The following TENM3 variants were observed in gnomAD, a reference collection of about 807,000 sequenced individuals.
The protein encoded by TENM3 is teneurin-3.
In TENM3, 63 loss-of-function variants were observed where a neutral mutation model predicts 255.1. That is an observed-to-expected ratio of 0.25 (90% CI 0.20 to 0.30). The LOEUF (loss-of-function observed/expected upper bound fraction) is 0.30. Among genes scored for constraint, TENM3 ranks in the 10% least tolerant of loss-of-function variants. The pLI, the probability that TENM3 is intolerant of heterozygous loss-of-function variation, is 1.00. For missense variants in TENM3, 2,929 were observed against 3,461.1 expected (o/e 0.85, Z 3.86); for synonymous variants, 1,306 against 1,322.3 (o/e 0.99, Z 0.27).
chr4:181,999,615 G>A, the TENM3 span, among the ~76,000 whole-genome samples: 5 of 152,144 alleles, frequency 3.3e-5, no homozygotes, highest in Non-Finnish European at 7.4e-5. Flanking sequence ...AACATGGCAT[G>A]AGCTACCAAA....
intron 1 of TENM3, among the ~76,000 whole-genome samples, chr4:182,171,704 C>A (rs370325476): frequency 8.5e-5 from 13 of 152,280 alleles, no homozygotes; most frequent in African/African-American, 3.1e-4. Flanking sequence ...TGGTTCTCAT[C>A]ATTCGAGTGC....
chr4:182,081,856 T>A, the TENM3 span: 3 of 152,150 alleles, frequency 2.0e-5, no homozygotes, highest in Non-Finnish European at 4.4e-5. Flanking sequence ...TTACTATTCC[T>A]GTGTCTTTTA....
At chr4:181,606,481 T>C in the TENM3 span, among the ~76,000 whole-genome samples, 249 of 152,284 alleles carry the variant, frequency 1.6e-3, 1 homozygote, top group African/African-American at 5.8e-3. Context: ...ACATACTGTG[T>C]GCATGTCTGT....
chr4:181,475,989 G>A, the TENM3 span, among the ~76,000 whole-genome samples: 40 of 152,338 alleles, frequency 2.6e-4, no homozygotes, highest in African/African-American at 4.6e-4. Flanking sequence ...CTCCAGCGGG[G>A]AAGTCAGAAT....
At chr4:182,285,324 A>G (rs987877884) in intron 1 of TENM3, among the ~76,000 whole-genome samples, 1 of 152,072 alleles carries the variant, frequency 6.6e-6, no homozygotes, top group Non-Finnish European at 1.5e-5. Context: ...CAGTCATATC[A>G]ATTTGAACCA....
the TENM3 span, among the ~76,000 whole-genome samples, chr4:181,641,545 G>GGTATGT: frequency 1.8e-3 from 42 of 23,948 alleles, no homozygotes; most frequent in African/African-American, 4.8e-3. Flanking sequence ...AGTATTCCAT[G>GGTATGT]GTGTGTGTGT....
At chr4:181,753,254 G>C in the TENM3 span, among the ~76,000 whole-genome samples, 1 of 152,158 alleles carries the variant, frequency 6.6e-6, no homozygotes, top group African/African-American at 2.4e-5. Context: ...TAAAAGTGAG[G>C]AGGTTGGTTG....
At chr4:182,500,796 A>G in intron 3 of TENM3, among the ~76,000 whole-genome samples, 1 of 152,160 alleles carries the variant, frequency 6.6e-6, no homozygotes, top group South Asian at 2.1e-4. Context: ...TAAATAAAGT[A>G]CACGGTTTCA....
the TENM3 span, among the ~76,000 whole-genome samples, chr4:182,077,912 A>G: frequency 6.6e-6 from 1 of 152,100 alleles, no homozygotes; most frequent in Non-Finnish European, 1.5e-5. Context: ...CCTCATAGGT[A>G]ATGTAACCAT....
chr4:182,418,983 A>T (rs1448051496), intron 3 of TENM3, among the ~76,000 whole-genome samples: 2 of 152,218 alleles, frequency 1.3e-5, no homozygotes, highest in African/African-American at 4.8e-5. Flanking sequence ...ATACGACAGG[A>T]AGGTTATAAA....
the TENM3 span, among the ~76,000 whole-genome samples, chr4:181,646,850 C>T: frequency 6.6e-6 from 1 of 152,200 alleles, no homozygotes; most frequent in South Asian, 2.1e-4. Flanking sequence ...AAAAAAAGAT[C>T]TAATTTATTT....
At chr4:182,654,110 T>C (rs1753557456) in intron 6 of TENM3, among the ~76,000 whole-genome samples, 1 of 152,206 alleles carries the variant, frequency 6.6e-6, no homozygotes, top group African/African-American at 2.4e-5. Flanking sequence ...GCCTTCTGAT[T>C]TGATGGCTAG....
chr4:182,391,446 A>G (rs1341257816), intron 3 of TENM3, among the ~76,000 whole-genome samples: 2 of 152,214 alleles, frequency 1.3e-5, no homozygotes, highest in African/African-American at 4.8e-5. Context: ...GAATAGACAC[A>G]GTTAAATAAA....
At chr4:181,530,478 G>A in the TENM3 span, among the ~76,000 whole-genome samples, 51 of 152,126 alleles carry the variant, frequency 3.4e-4, no homozygotes, top group African/African-American at 1.0e-3. Flanking sequence ...CAATGCATGA[G>A]TTACAGGTAA....
chr4:182,593,233 A>G (rs1323359214), intron 3 of TENM3, among the ~76,000 whole-genome samples: 1 of 152,180 alleles, frequency 6.6e-6, no homozygotes. Flanking sequence ...TATCATTATT[A>G]TTCAGGAGTA....
At position 182,346,995 on chromosome 4, in the gene TENM3, C is replaced by CGG. The variant is rs11373586; in HGVS notation, c.511+73_511+74dup. ...CTTCTGTCTGTTTTGGTTGACTCCG[C>CGG]GGGGGGGGATGTTTTTCTTTCTCTC... On this transcript the variant is annotated intron_variant, in intron 3 of 27. Coordinates refer to ENST00000511685, the MANE Select transcript of TENM3 (RefSeq NM_001080477.4). 0.21 allele frequency: 172,465 copies of CGG among 813,618 alleles called. 17,074 individuals are homozygous for CGG. The highest frequency in any genetic ancestry group is 0.23 in the Non-Finnish European group (129,679 of 570,816). The allele number at this position is 813,618 out of a possible 1,614,324, so 50.4% of individuals were successfully genotyped here.
chr4:182,074,107 G>C, the TENM3 span, among the ~76,000 whole-genome samples: 1 of 152,082 alleles, frequency 6.6e-6, no homozygotes, highest in Non-Finnish European at 1.5e-5. Context: ...TCTGTTATAG[G>C]CTGCTTTTGA....
chr4:182,480,414 A>C (rs1056294067), intron 3 of TENM3, among the ~76,000 whole-genome samples: 1 of 152,082 alleles, frequency 6.6e-6, no homozygotes, highest in African/African-American at 2.4e-5. Flanking sequence ...TATCCTAGAA[A>C]CACAGCAGGC....
chr4:182,404,468 G>A (rs1769419431), intron 3 of TENM3, among the ~76,000 whole-genome samples: 1 of 152,208 alleles, frequency 6.6e-6, no homozygotes, highest in South Asian at 2.1e-4. Context: ...AATTTGAAGA[G>A]AATATCACGA....
Sources: allele counts gnomAD v4.1 joint callset (sites outside exome capture counted in the v4.1 genomes callset), GRCh38; gene constraint gnomAD v4.1.1; transcripts MANE v1.5; gene names NCBI Gene and HGNC (gene_info 2026-07-23, HGNC 2026-07-21).